ELAVL2: variants seen among roughly 807,000 people sequenced by gnomAD.
The protein encoded by ELAVL2 is ELAV-like protein 2.
ELAVL2 carries 4 observed loss-of-function variants against 34.6 expected under a neutral mutation model. That is an observed-to-expected ratio of 0.12 (90% CI 0.06 to 0.26). The LOEUF is 0.26. Ranked by LOEUF, ELAVL2 falls within the 10% of genes least tolerant of loss-of-function variation. The probability of loss-of-function intolerance (pLI) is 1.00; values close to 1 mark genes in which losing one functional copy is unlikely to be tolerated. For missense variants in ELAVL2, 432 were observed against 442.8 expected, an observed-to-expected ratio of 0.98 and a Z score of 0.22; for synonymous variants, 193 against 154.8, an observed-to-expected ratio of 1.25 and a Z score of -1.83.
chr9:23,849,082 G>T, the ELAVL2 span, among the ~76,000 whole-genome samples: 1 of 152,140 alleles, frequency 6.6e-6, no homozygotes, highest in African/African-American at 2.4e-5. Context: ...TGTTTACATT[G>T]TCACAAATAC....
At chr9:23,825,360 T>C (rs1177161801) in intron 1 of ELAVL2, among the ~76,000 whole-genome samples, 1 of 152,190 alleles carries the variant, frequency 6.6e-6, no homozygotes, top group Non-Finnish European at 1.5e-5. Flanking sequence ...ATTAAGCCTG[T>C]GGTTTTCGCT....
At chr9:23,815,524 A>C (rs2063580813) in intron 1 of ELAVL2, among the ~76,000 whole-genome samples, 1 of 152,202 alleles carries the variant, frequency 6.6e-6, no homozygotes, top group Non-Finnish European at 1.5e-5. Context: ...CAAAAATATA[A>C]AACTAATCAA....
intron 1 of ELAVL2, among the ~76,000 whole-genome samples, chr9:23,775,227 T>C (rs1463395336): frequency 6.6e-6 from 1 of 151,900 alleles, no homozygotes; most frequent in Non-Finnish European, 1.5e-5. Context: ...CATGCCAGTC[T>C]CAAGCTAGAT....
the ELAVL2 span, chr9:23,831,674 A>C: frequency 6.6e-6 from 1 of 152,240 alleles, no homozygotes; most frequent in East Asian, 1.9e-4. Context: ...GCTCCATTCT[A>C]TCTGGGCTGT....
intron 1 of ELAVL2, among the ~76,000 whole-genome samples, chr9:23,773,764 G>C (rs1047694917): frequency 6.6e-6 from 1 of 152,146 alleles, no homozygotes; most frequent in South Asian, 2.1e-4. Flanking sequence ...AGCAGGTAAA[G>C]GGGTCTGTTC....
At chr9:23,710,110 T>G (rs1233735651) in intron 3 of ELAVL2, among the ~76,000 whole-genome samples, 1 of 152,142 alleles carries the variant, frequency 6.6e-6, no homozygotes, top group Non-Finnish European at 1.5e-5. Context: ...CTAGACAAAA[T>G]AAAGATAGAA....
chr9:23,712,239 G>A (rs551638162), intron 3 of ELAVL2, among the ~76,000 whole-genome samples: 1 of 152,178 alleles, frequency 6.6e-6, no homozygotes, highest in Non-Finnish European at 1.5e-5. Context: ...AGGACTCGCG[G>A]TCTTAGCTCT....
At chr9:23,803,490 T>C (rs751746298) in intron 1 of ELAVL2, among the ~76,000 whole-genome samples, 26 of 152,142 alleles carry the variant, frequency 1.7e-4, no homozygotes, top group Non-Finnish European at 3.4e-4. Flanking sequence ...TCCATCTTCC[T>C]CTCAAAGCCC....
chr9:23,705,560 G>C (rs1043050041), intron 3 of ELAVL2, among the ~76,000 whole-genome samples: 2 of 152,208 alleles, frequency 1.3e-5, no homozygotes, highest in Non-Finnish European at 2.9e-5. Flanking sequence ...CAATCCCCTA[G>C]AGCAGTGGTC....
chr9:23,845,310 A>C, the ELAVL2 span, among the ~76,000 whole-genome samples: 1 of 151,886 alleles, frequency 6.6e-6, no homozygotes, highest in East Asian at 1.9e-4. Flanking sequence ...GGAAAGAAAA[A>C]TTGTATAGAC....
intron 1 of ELAVL2, chr9:23,779,427 G>C (rs2058730687): frequency 2.0e-6 from 2 of 985,230 alleles, no homozygotes; most frequent in Non-Finnish European, 2.4e-6. Flanking sequence ...GAAGATCTGG[G>C]AGGTGGCTGA....
intron 3 of ELAVL2, among the ~76,000 whole-genome samples, chr9:23,719,286 A>T (rs1010567255): frequency 2.6e-5 from 4 of 152,210 alleles, no homozygotes; most frequent in Admixed American, 2.0e-4. Flanking sequence ...TTAAACCGCC[A>T]AATAGTATCC....
At chr9:23,710,353 A>C (rs1414673257) in intron 3 of ELAVL2, among the ~76,000 whole-genome samples, 2 of 152,228 alleles carry the variant, frequency 1.3e-5, no homozygotes, top group Non-Finnish European at 2.9e-5. Context: ...AGCAATGTTT[A>C]AAATCCCAGT....
At chr9:23,724,554 G>C (rs909015264) in intron 3 of ELAVL2, among the ~76,000 whole-genome samples, 10 of 152,248 alleles carry the variant, frequency 6.6e-5, no homozygotes, top group South Asian at 2.1e-4. Context: ...GCTGACAAGA[G>C]AGCATTCTAC....
At chr9:23,819,814 T>G (rs2064276055) in intron 1 of ELAVL2, among the ~76,000 whole-genome samples, 1 of 152,178 alleles carries the variant, frequency 6.6e-6, no homozygotes, top group Non-Finnish European at 1.5e-5. Context: ...ATATTCTAAT[T>G]TTTCCTACCC....
the ELAVL2 span, among the ~76,000 whole-genome samples, chr9:23,833,157 T>G: frequency 1.3e-5 from 2 of 151,914 alleles, no homozygotes; most frequent in Non-Finnish European, 2.9e-5. Flanking sequence ...AGCTAACTTT[T>G]CCTTTCCATA....
chr9:23,712,289 A>G (rs1242914494), intron 3 of ELAVL2, among the ~76,000 whole-genome samples: 1 of 152,192 alleles, frequency 6.6e-6, no homozygotes, highest in African/African-American at 2.4e-5. Context: ...GCTGCAACAC[A>G]GTCTTCAAAA....
intron 1 of ELAVL2, among the ~76,000 whole-genome samples, chr9:23,808,755 C>G (rs760573693): frequency 6.6e-5 from 10 of 152,054 alleles, no homozygotes; most frequent in Non-Finnish European, 1.2e-4. Context: ...AGAATAATCA[C>G]AGGGAATGAG....
In ELAVL2 at chr9:23,787,389, G is replaced by A. The variant is rs552783656; in HGVS notation, c.-15-25140C>T. ...TAGGATTACAGGCACCCGCCACCAT[G>A]CCCAGCTAATTTTTCTATTTTTAAT... On this transcript the variant is annotated intron_variant, in intron 1 of 6. Coordinates refer to ENST00000397312, the MANE Select transcript of ELAVL2 (RefSeq NM_004432.5). Among the ~76,000 whole-genome samples, 46 of 151,454 alleles carry A rather than the reference G, an allele frequency of 3.0e-4. No homozygotes were observed. In the South Asian group the frequency reaches 8.8e-3, roughly 29 times the overall value.
Sources: allele counts gnomAD v4.1 joint callset (sites outside exome capture counted in the v4.1 genomes callset), GRCh38; gene constraint gnomAD v4.1.1; transcripts MANE v1.5; gene names NCBI Gene and HGNC (gene_info 2026-07-23, HGNC 2026-07-21).